Variants in PDE4D observed in about 807,000 individuals in gnomAD.
PDE4D encodes phosphodiesterase 4D, also known as 3',5'-cyclic-AMP phosphodiesterase 4D.
Under a neutral mutation model 87.4 loss-of-function variants are expected in PDE4D, and 24 were observed. The ratio of observed to expected loss-of-function variants is 0.27; its 90% CI spans 0.20 to 0.39. PDE4D has a LOEUF of 0.39. Among genes scored for constraint, PDE4D ranks in the 10% least tolerant of loss-of-function variants. The probability of loss-of-function intolerance (pLI) is 1.00; values close to 1 mark genes in which losing one functional copy is unlikely to be tolerated. For missense variants in PDE4D, 714 were observed against 1,041.0 expected, an observed-to-expected ratio of 0.69 and a Z score of 4.32; for synonymous variants, 384 against 383.2, an observed-to-expected ratio of 1.00 and a Z score of -0.02.
chr5:60,422,577 C>A (rs1217650696), intron 1 of PDE4D, among the ~76,000 whole-genome samples: 1 of 152,184 alleles, frequency 6.6e-6, no homozygotes, highest in Admixed American at 6.5e-5. Flanking sequence ...CTGGTACCAG[C>A]CACTGCAAAA....
intron 5 of PDE4D, among the ~76,000 whole-genome samples, chr5:59,122,886 G>A (rs568147047): frequency 6.6e-6 from 1 of 152,074 alleles, no homozygotes; most frequent in South Asian, 2.1e-4. Context: ...CCTTCATTTC[G>A]AAACAGGTTT....
At chr5:59,781,801 A>G (rs895047828) in intron 1 of PDE4D, among the ~76,000 whole-genome samples, 1 of 149,126 alleles carries the variant, frequency 6.7e-6, no homozygotes, top group African/African-American at 2.5e-5. Flanking sequence ...AAAAAAAAAA[A>G]AAAAAAAAAA....
chr5:60,299,915 C>A (rs1022077686), intron 1 of PDE4D, among the ~76,000 whole-genome samples: 1 of 152,100 alleles, frequency 6.6e-6, no homozygotes, highest in Non-Finnish European at 1.5e-5. Context: ...GGGTATATAG[C>A]CAGTAATGGG....
At chr5:59,139,378 A>G (rs770089833) in intron 5 of PDE4D, among the ~76,000 whole-genome samples, 25 of 152,204 alleles carry the variant, frequency 1.6e-4, no homozygotes, top group Non-Finnish European at 3.1e-4. Flanking sequence ...TGTATCTAAT[A>G]CCAAAGACCC....
At chr5:60,270,687 C>T (rs537132864) in intron 1 of PDE4D, among the ~76,000 whole-genome samples, 1 of 150,248 alleles carries the variant, frequency 6.7e-6, no homozygotes, top group East Asian at 1.9e-4. Flanking sequence ...ACATTTTGAG[C>T]TCTCCATGAC....
At chr5:59,701,712 G>A (rs1485791196) in intron 1 of PDE4D, among the ~76,000 whole-genome samples, 1 of 152,110 alleles carries the variant, frequency 6.6e-6, no homozygotes, top group Non-Finnish European at 1.5e-5. Context: ...GTGAGGAGAT[G>A]GTACCAGCAA....
At chr5:60,200,130 G>A (rs932982768) in intron 1 of PDE4D, among the ~76,000 whole-genome samples, 8 of 151,518 alleles carry the variant, frequency 5.3e-5, no homozygotes, top group Non-Finnish European at 8.9e-5. Flanking sequence ...TGGGGCATTT[G>A]CTATGTACCA....
chr5:59,165,699 G>C (rs1781825819), intron 5 of PDE4D, among the ~76,000 whole-genome samples: 1 of 152,178 alleles, frequency 6.6e-6, no homozygotes, highest in Admixed American at 6.5e-5. Flanking sequence ...TTGAGCACAA[G>C]CATCTGTAAG....
intron 1 of PDE4D, among the ~76,000 whole-genome samples, chr5:59,224,561 T>A (rs903025508): frequency 6.6e-6 from 1 of 152,140 alleles, no homozygotes; most frequent in Non-Finnish European, 1.5e-5. Flanking sequence ...AAAGGCCAAT[T>A]TTTCTGAAAA....
Position 60,342,049 on chromosome 5 carries a change from C to T in PDE4D, c.-90+145893G>A, listed in dbSNP as rs564875603. Among the ~76,000 whole-genome samples the T allele has an allele frequency of 6.0e-4, 92 of 152,240 alleles. 1 individual carries two copies. In the South Asian group the frequency reaches 0.018, roughly 30 times the overall value. On this transcript the variant is annotated intron_variant, in intron 1 of 16. Transcript: ENST00000502484. ...TTGCTTCCTTGGAACAAGTAAAGGACGAATGTCATTTTCAATCTCTGCTTG... is the reference window on the plus strand; with the variant it reads ...TTGCTTCCTTGGAACAAGTAAAGGATGAATGTCATTTTCAATCTCTGCTTG...
At chr5:59,586,312 G>A (rs1825113625) in intron 1 of PDE4D, 1 of 1,557,602 alleles carries the variant, frequency 6.4e-7, no homozygotes, top group Admixed American at 1.7e-5. Flanking sequence ...AAACTGAAGG[G>A]AATATTGATT....
intron 1 of PDE4D, among the ~76,000 whole-genome samples, chr5:60,223,932 T>C (rs775662631): frequency 3.9e-5 from 6 of 152,102 alleles, no homozygotes; most frequent in Non-Finnish European, 5.9e-5. Flanking sequence ...CCCAGTGAAA[T>C]GAAGGTTCCT....
chr5:59,849,022 C>T (rs891253038), intron 1 of PDE4D, among the ~76,000 whole-genome samples: 2 of 151,914 alleles, frequency 1.3e-5, no homozygotes, highest in African/African-American at 2.4e-5. Context: ...TACAACTCGG[C>T]GCTGTGAGGA....
In PDE4D at chr5:59,857,396, C is replaced by G. The variant is rs189744943; in HGVS notation, c.455+35772G>C. 2.0e-5 allele frequency among the ~76,000 whole-genome samples: 3 copies of G among 152,252 alleles called. No homozygotes were observed. In the East Asian group the frequency reaches 5.8e-4, roughly 29 times the overall value. ...TCCAGATAAGTCATTTTTTATTCCTCTTTTCAAGATGCTAGCTCCCAGAAT... is the reference window on the plus strand; with the variant it reads ...TCCAGATAAGTCATTTTTTATTCCTGTTTTCAAGATGCTAGCTCCCAGAAT... On this transcript the variant is annotated intron_variant, in intron 1 of 14. Coordinates refer to ENST00000340635, the MANE Select transcript of PDE4D (RefSeq NM_001104631.2).
Position 58,991,222 on chromosome 5 carries a change from T to TAGTG in PDE4D, c.1189-324_1189-321dup, listed in dbSNP as rs1419230896. Among the ~76,000 whole-genome samples the TAGTG allele has an allele frequency of 2.0e-5, 3 of 152,116 alleles. No homozygotes were observed. The East Asian group carries it at 5.8e-4, about 29-fold the overall frequency. ...GCTTGAACCCAGGAGGCAGAGGTTG[T>TAGTG]AGTGAGCCAAGATCGCGCCACTGCA... On this transcript the variant is annotated intron_variant, in intron 8 of 14. Coordinates refer to ENST00000340635, the MANE Select transcript of PDE4D (RefSeq NM_001104631.2).
At chr5:59,381,407 G>A (rs181736) in intron 1 of PDE4D, among the ~76,000 whole-genome samples, 60,520 of 151,766 alleles carry the variant, frequency 0.4, 12,123 homozygotes, top group East Asian at 0.43. Context: ...TAGAACTTAG[G>A]TGAGTAGATT....
chr5:60,028,622 C>A (rs531994291), intron 2 of PDE4D, among the ~76,000 whole-genome samples: 1 of 152,276 alleles, frequency 6.6e-6, no homozygotes, highest in Admixed American at 6.5e-5. Flanking sequence ...TGAGTAAAAT[C>A]CATGAAATGC....
At chr5:59,604,974 T>C (rs1827997647) in intron 1 of PDE4D, among the ~76,000 whole-genome samples, 2 of 152,024 alleles carry the variant, frequency 1.3e-5, no homozygotes, top group African/African-American at 4.8e-5. Flanking sequence ...ACATTCATTT[T>C]GGCACTGTTT....
intron 1 of PDE4D, among the ~76,000 whole-genome samples, chr5:59,671,547 C>A (rs1417722027): frequency 6.6e-6 from 1 of 152,186 alleles, no homozygotes; most frequent in East Asian, 1.9e-4. Context: ...ACGACTCACA[C>A]CTGTAATCCC....
Sources: allele counts gnomAD v4.1 joint callset (sites outside exome capture counted in the v4.1 genomes callset), GRCh38; gene constraint gnomAD v4.1.1; transcripts MANE v1.5; gene names NCBI Gene and HGNC (gene_info 2026-07-23, HGNC 2026-07-21).